Variants in WDSUB1 observed in about 807,000 individuals in gnomAD.
The protein encoded by WDSUB1 is WD repeat, sterile alpha motif and U-box domain containing 1, also known as WD repeat, SAM and U-box domain-containing protein 1.
WDSUB1 carries 49 observed loss-of-function variants against 53.9 expected under a neutral mutation model. The observed-to-expected ratio is 0.91, with a 90% confidence interval of 0.72 to 1.15. The LOEUF (loss-of-function observed/expected upper bound fraction) is 1.15, where lower values mean the gene tolerates loss of function less well. Among genes scored for constraint, WDSUB1 ranks in the 50% most tolerant of loss-of-function variants. WDSUB1 has a pLI of 0.00. For synonymous variants in WDSUB1, 194 were observed against 200.6 expected, an observed-to-expected ratio of 0.97 and a Z score of 0.28; for missense variants, 514 against 562.0, an observed-to-expected ratio of 0.91 and a Z score of 0.86.
intron 9 of WDSUB1, 115 bp downstream of exon 9, chr2:159,256,081 G>T: frequency 1.1e-6 from 1 of 926,422 alleles, no homozygotes; most frequent in Non-Finnish European, 1.6e-6. Flanking sequence ...CAAGAAGATG[G>T]GTCATTAGTG....
chr2:159,276,784 G>C (rs1271765181), intron 3 of WDSUB1, among the ~76,000 whole-genome samples: 2 of 152,094 alleles, frequency 1.3e-5, no homozygotes, highest in Non-Finnish European at 2.9e-5. Context: ...ACTTTGAGAG[G>C]CTGACACCAG....
At chr2:159,271,606 C>T (rs1575482202) in intron 5 of WDSUB1, 96 bp downstream of exon 5, 2 of 1,042,474 alleles carry the variant, frequency 1.9e-6, no homozygotes, top group Non-Finnish European at 1.5e-6. Flanking sequence ...TTTGTGGTGG[C>T]TCATCAAGCT....
chr2:159,255,398 C>T (rs886092065), intron 9 of WDSUB1, among the ~76,000 whole-genome samples: 1 of 151,794 alleles, frequency 6.6e-6, no homozygotes. Context: ...ACCTGGGAGG[C>T]GGAGCTTGCA....
At chr2:159,244,786 C>T (rs908455004) in intron 10 of WDSUB1, among the ~76,000 whole-genome samples, 10 of 152,022 alleles carry the variant, frequency 6.6e-5, no homozygotes, top group South Asian at 4.2e-4. Flanking sequence ...ACAAGTTAGC[C>T]GGGCATGGTA....
intron 10 of WDSUB1, among the ~76,000 whole-genome samples, chr2:159,236,565 T>G (rs996471650): frequency 6.6e-6 from 1 of 152,128 alleles, no homozygotes; most frequent in African/African-American, 2.4e-5. Flanking sequence ...ATAAGGCTCT[T>G]TTCAACACCT....
At chr2:159,275,873 C>T (rs1177757253) in intron 3 of WDSUB1, among the ~76,000 whole-genome samples, 2 of 152,088 alleles carry the variant, frequency 1.3e-5, no homozygotes, top group African/African-American at 4.8e-5. Context: ...ATTTTCCTTC[C>T]TCAAAGAATA....
intron 5 of WDSUB1, 152 bp downstream of exon 5, chr2:159,271,550 G>T (rs1575482143): frequency 3.0e-6 from 2 of 656,018 alleles, no homozygotes; most frequent in Non-Finnish European, 5.3e-6. Context: ...GCACTTGCAA[G>T]GGGAGGGCTT....
intron 9 of WDSUB1, 139 bp from the exon 10 acceptor site, chr2:159,248,651 G>A: frequency 1.0e-6 from 1 of 977,240 alleles, no homozygotes; most frequent in Non-Finnish European, 1.4e-6. Flanking sequence ...TGCCCAGGCT[G>A]GAGTGCAGTG....
chr2:159,247,890 T>TATATATATATATAA (rs2060838660), intron 10 of WDSUB1, among the ~76,000 whole-genome samples: 3 of 34,174 alleles, frequency 8.8e-5, no homozygotes, highest in Non-Finnish European at 1.7e-4. Flanking sequence ...TAAATAAATA[T>TATATATATATATAA]ATATATATAT....
intron 5 of WDSUB1, among the ~76,000 whole-genome samples, chr2:159,271,172 T>A (rs11886354): frequency 0.15 from 22,931 of 152,120 alleles, 3,492 homozygotes; most frequent in African/African-American, 0.38. Context: ...AAAATGCACG[T>A]ATTCTATGAC....
intron 5 of WDSUB1, among the ~76,000 whole-genome samples, chr2:159,266,467 C>T (rs1402332756): frequency 1.3e-5 from 2 of 152,146 alleles, no homozygotes; most frequent in Non-Finnish European, 2.9e-5. Context: ...GGATTACAGG[C>T]GTGAGCCACC....
chr2:159,263,977 T>C (rs910580784), intron 5 of WDSUB1, among the ~76,000 whole-genome samples: 4 of 152,192 alleles, frequency 2.6e-5, no homozygotes, highest in African/African-American at 9.7e-5. Flanking sequence ...AGTCAGAACA[T>C]GAAGCTGGGA....
chr2:159,240,973 G>A (rs926419155), intron 10 of WDSUB1, among the ~76,000 whole-genome samples: 1 of 152,200 alleles, frequency 6.6e-6, no homozygotes, highest in African/African-American at 2.4e-5. Flanking sequence ...GAGAATGGCT[G>A]AAACATTTCC....
chr2:159,245,964 A>G (rs965304404), intron 10 of WDSUB1, among the ~76,000 whole-genome samples: 3 of 152,224 alleles, frequency 2.0e-5, no homozygotes, highest in Admixed American at 1.3e-4. Flanking sequence ...ACTATGTGCA[A>G]TACATTACCT....
chr2:159,272,278 T>A (rs934419639), intron 4 of WDSUB1, among the ~76,000 whole-genome samples: 6 of 152,220 alleles, frequency 3.9e-5, no homozygotes. Context: ...TGCAGAAACA[T>A]GATCACTAAC....
chr2:159,286,259 T>A (rs1575509445), intron 1 of WDSUB1: 1 of 153,396 alleles, frequency 6.5e-6, no homozygotes, highest in South Asian at 2.1e-4. Flanking sequence ...ACACCCCCCA[T>A]GCACGAAAGA....
At chr2:159,238,692 CAT>C (rs2060555278) in intron 10 of WDSUB1, among the ~76,000 whole-genome samples, 1 of 152,234 alleles carries the variant, frequency 6.6e-6, no homozygotes, top group Non-Finnish European at 1.5e-5. Context: ...CAACACTACA[CAT>C]TCACTTATGG....
In WDSUB1 at chr2:159,275,594, G is replaced by A. The variant is rs983003027; in HGVS notation, c.628C>T (p.Gln210Ter). ...ATCCAAATTTTGACTTGGCAATCCT[G>A]ACCACATGATGCCAGTCGAAAAAAC... ...LQFFRLASCG[Q>*]DCQVKIWIVS... The change falls in exon 4 of 11, where the codon CAG (glutamine) becomes TAG (stop). Residue 210 changes from glutamine to a stop codon, truncating the protein, a stop_gained. Transcript: ENST00000359774. LOFTEE classifies it high-confidence loss of function. 6 of 1,608,502 alleles carry A rather than the reference G, an allele frequency of 3.7e-6. No individual in the cohort carries two copies. The highest frequency in any genetic ancestry group is 3.4e-6 in the Non-Finnish European group (4 of 1,178,468).
intron 4 of WDSUB1, among the ~76,000 whole-genome samples, chr2:159,273,332 G>C (rs2061479038): frequency 1.3e-5 from 2 of 152,248 alleles, no homozygotes; most frequent in Admixed American, 1.3e-4. Flanking sequence ...ATGTCCTCAA[G>C]TATAAGACCC....
Sources: allele counts gnomAD v4.1 joint callset (sites outside exome capture counted in the v4.1 genomes callset), GRCh38; gene constraint gnomAD v4.1.1; transcripts MANE v1.5; gene names NCBI Gene and HGNC (gene_info 2026-07-23, HGNC 2026-07-21).